The following KIRREL1 variants were observed in gnomAD, a reference collection of about 807,000 sequenced individuals.
KIRREL1 encodes kirre like nephrin family adhesion molecule 1.
KIRREL1 carries 25 observed loss-of-function variants against 83.3 expected under a neutral mutation model. The ratio of observed to expected loss-of-function variants is 0.30; its 90% CI spans 0.22 to 0.42. The LOEUF is 0.42. Among genes scored for constraint, KIRREL1 ranks in the 10% least tolerant of loss-of-function variants. The pLI is 1.00. For missense variants in KIRREL1, 812 were observed against 1,032.3 expected (o/e 0.79, Z 2.92); for synonymous variants, 388 against 410.4 (o/e 0.95, Z 0.66).
At position 158,078,019 on chromosome 1, in the gene KIRREL1, C is replaced by T. The variant is rs146618351; in HGVS notation, c.231C>T (p.Ser77=). ...GGCCACGGTACCGGGTTGTGGGCTC[C>T]GCAGACGCTGGGCAGTACAACCTGG... ...KAWPRYRVVG[S]ADAGQYNLEI... Residue 77 remains serine (S), a synonymous_variant, in exon 3 of 15, where the codon TCC becomes TCT. Transcript: ENST00000359209. 1.1e-4 allele frequency: 171 copies of T among 1,614,172 alleles called. No homozygotes were observed. The African/African-American group carries it at 1.6e-3, about 15-fold the overall frequency.
chr1:158,027,752 T>C (rs1422464495), intron 1 of KIRREL1, among the ~76,000 whole-genome samples: 1 of 152,210 alleles, frequency 6.6e-6, no homozygotes, highest in Non-Finnish European at 1.5e-5. Context: ...CTGAAAGCAC[T>C]TGGCGCATAG....
intron 1 of KIRREL1, among the ~76,000 whole-genome samples, chr1:158,053,048 C>A (rs1278350965): frequency 2.0e-5 from 3 of 152,144 alleles, no homozygotes; most frequent in Non-Finnish European, 4.4e-5. Flanking sequence ...AGATCTGCCC[C>A]CATTACCCAA....
intron 1 of KIRREL1, among the ~76,000 whole-genome samples, chr1:158,038,445 A>C (rs1660532575): frequency 6.6e-6 from 1 of 151,642 alleles, no homozygotes; most frequent in Non-Finnish European, 1.5e-5. Context: ...GGCATGAAAA[A>C]ATCTGGTGTC....
intron 11 of KIRREL1, among the ~76,000 whole-genome samples, chr1:158,092,267 T>C (rs925024725): frequency 6.6e-6 from 1 of 152,158 alleles, no homozygotes. Context: ...TTGTTGTTGT[T>C]TTATTTTTTG....
chr1:158,014,588 G>A (rs1659773358), intron 1 of KIRREL1, among the ~76,000 whole-genome samples: 1 of 150,606 alleles, frequency 6.6e-6, no homozygotes, highest in South Asian at 2.1e-4. Context: ...TTCCTTTAGC[G>A]AGGGACTGAC....
At chr1:158,072,582 C>G (rs1324877815) in intron 1 of KIRREL1, among the ~76,000 whole-genome samples, 2 of 151,998 alleles carry the variant, frequency 1.3e-5, no homozygotes, top group African/African-American at 4.8e-5. Context: ...GTTTGAATCC[C>G]GAGGGAGCAG....
At chr1:158,010,357 A>ACC (rs1659641666) in intron 1 of KIRREL1, among the ~76,000 whole-genome samples, 1 of 135,868 alleles carries the variant, frequency 7.4e-6, no homozygotes, top group East Asian at 2.1e-4. Context: ...ACACACACAC[A>ACC]CACACCCCAC....
chr1:158,088,421 C>G lies in KIRREL1; in HGVS notation c.1011C>G (p.Leu337=), dbSNP rs560490359. ...GTGTCTGGGTTGGGAATCCCCCCCT[C>G]ACTCTCACCTGGACCAAAAAGGACT... ...LTCVWVGNPP[L]TLTWTKKDSN... is the part of the protein sequence containing the mutation. Residue 337 remains leucine, a synonymous_variant, in exon 8 of 15, where the codon CTC becomes CTG. Coordinates refer to ENST00000359209, the MANE Select transcript of KIRREL1 (RefSeq NM_018240.7). 83 of 1,613,022 alleles carry G rather than the reference C, an allele frequency of 5.1e-5. No homozygotes were observed. In the South Asian group the frequency reaches 7.6e-4, roughly 15 times the overall value.
At position 158,089,579 on chromosome 1, in the gene KIRREL1, C is replaced by T. The variant is rs867471177; in HGVS notation, c.1122C>T (p.Ile374=). The change falls in exon 9 of 15, where the codon ATC becomes ATT. Residue 374 remains isoleucine (I), a synonymous_variant. Transcript: ENST00000359209. ...ADAGTYTCRA[I]VPRIGVAERE... is the part of the protein sequence containing the mutation. ...CTGGCACCTACACCTGCCGGGCCAT[C>T]GTGCCTCGAATCGGAGTGGCTGAGC... is the stretch of plus-strand genomic sequence containing the variant. 8 of 1,613,866 alleles carry T rather than the reference C, an allele frequency of 5.0e-6. No homozygotes were observed. The highest frequency in any genetic ancestry group is 2.2e-5 in the South Asian group (2 of 91,082).
chr1:158,055,504 C>G (rs1661030826), intron 1 of KIRREL1, among the ~76,000 whole-genome samples: 1 of 152,316 alleles, frequency 6.6e-6, no homozygotes, highest in Admixed American at 6.5e-5. Flanking sequence ...TTTCCCCAAC[C>G]TCATGGGCAA....
chr1:158,015,647 C>T (rs906369293), intron 1 of KIRREL1, among the ~76,000 whole-genome samples: 2 of 150,274 alleles, frequency 1.3e-5, no homozygotes, highest in African/African-American at 4.8e-5. Context: ...GCTACTTTAC[C>T]TAAGCTTCTG....
Position 158,095,014 on chromosome 1 carries a change from C to T in KIRREL1, c.2168C>T (p.Ala723Val), listed in dbSNP as rs913780279. The T allele has an allele frequency of 5.6e-6, 9 of 1,613,952 alleles. No individual in the cohort carries two copies. The highest frequency in any genetic ancestry group is 4.5e-5 in the East Asian group (2 of 44,874). The part of the protein sequence containing the change: ...PSGLERTPYE[A>V]YDPIGKYATA... Reference sequence around the variant, plus strand: ...GGCCTGGAGCGGACCCCATATGAGGCGTATGACCCCATTGGCAAGTACGCC... The same window carrying T: ...GGCCTGGAGCGGACCCCATATGAGGTGTATGACCCCATTGGCAAGTACGCC... The change falls in exon 15 of 15, where the codon GCG becomes GTG. Residue 723 changes from alanine (A) to valine (V), a missense_variant. Physicochemically the swap from Ala to Val is moderately conservative, Grantham distance 64 (BLOSUM62 0). Around this residue, in one of 3 missense-constraint regions of KIRREL1, gnomAD observed 334 missense variants for 383.7 expected, o/e 0.87. Coordinates refer to ENST00000359209, the MANE Select transcript of KIRREL1 (RefSeq NM_018240.7).
chr1:158,049,824 C>T (rs1009308261), intron 1 of KIRREL1, among the ~76,000 whole-genome samples: 1 of 151,984 alleles, frequency 6.6e-6, no homozygotes, highest in Non-Finnish European at 1.5e-5. Context: ...GGATGAGCCC[C>T]AGGTTTAAAT....
At chr1:158,031,585 G>A (rs1329425553) in intron 1 of KIRREL1, among the ~76,000 whole-genome samples, 1 of 152,212 alleles carries the variant, frequency 6.6e-6, no homozygotes, top group Non-Finnish European at 1.5e-5. Context: ...CAGGGATGCA[G>A]TAGGTACTCA....
chr1:158,025,845 T>C lies in KIRREL1; in HGVS notation c.52+32117T>C, dbSNP rs566356062. Among the ~76,000 whole-genome samples, 19 of 151,834 alleles carry C rather than the reference T, an allele frequency of 1.3e-4. 1 individual carries two copies. The highest frequency in any genetic ancestry group is 4.3e-4 in the African/African-American group (18 of 41,418). On this transcript the variant is annotated intron_variant, in intron 1 of 14. Transcript: ENST00000359209. ...CCCCAGGAGAGGCTGCTGCTAATTA[T>C]GCCTTCATCCTCCTGGGCAGGAGGA...
rs561354055 is a variant in KIRREL1, at chr1:157,996,194, A to T, written c.52+2466A>T. Among the ~76,000 whole-genome samples, 6 of 152,206 alleles carry T rather than the reference A, an allele frequency of 3.9e-5. No homozygotes were observed. In the South Asian group the frequency reaches 1.2e-3, roughly 32 times the overall value. ...GAGAAATAAAAATCGCATTTTAAAG[A>T]ATTTCAATGGGCTTCATCAATCTTC... is the stretch of plus-strand genomic sequence containing the variant. On this transcript the variant is annotated intron_variant, in intron 1 of 14. Coordinates refer to ENST00000359209, the MANE Select transcript of KIRREL1 (RefSeq NM_018240.7).
At chr1:158,054,435 C>T (rs1170219650) in intron 1 of KIRREL1, among the ~76,000 whole-genome samples, 4 of 152,102 alleles carry the variant, frequency 2.6e-5, no homozygotes, top group Non-Finnish European at 5.9e-5. Flanking sequence ...TCCCAAACAG[C>T]ATGCTGAGCT....
At chr1:158,040,478 C>T (rs1190794151) in intron 1 of KIRREL1, among the ~76,000 whole-genome samples, 3 of 152,250 alleles carry the variant, frequency 2.0e-5, no homozygotes, top group Admixed American at 6.5e-5. Context: ...TAACATCTAT[C>T]TTCCAAGATT....
At chr1:158,067,947 G>A (rs1273320300) in intron 1 of KIRREL1, among the ~76,000 whole-genome samples, 1 of 152,152 alleles carries the variant, frequency 6.6e-6, no homozygotes. Flanking sequence ...CTGGTCCCTG[G>A]AAAGATTCCC....
Sources: allele counts gnomAD v4.1 joint callset (sites outside exome capture counted in the v4.1 genomes callset), GRCh38; gene constraint gnomAD v4.1.1; regional missense constraint gnomAD v4.1.1; transcripts MANE v1.5; gene names NCBI Gene and HGNC (gene_info 2026-07-23, HGNC 2026-07-21).